Variants in TCTN1 observed in about 807,000 individuals in gnomAD.
TCTN1 encodes the protein tectonic-1.
A neutral mutation model predicts 65.8 loss-of-function variants in TCTN1; 58 were observed. The ratio of observed to expected loss-of-function variants is 0.88; its 90% confidence interval spans 0.71 to 1.10. The LOEUF (loss-of-function observed/expected upper bound fraction) is 1.10, where lower values mean the gene tolerates loss of function less well. Ranked by LOEUF, TCTN1 falls within the 50% of genes least tolerant of loss-of-function variation. The pLI, the probability that TCTN1 is intolerant of heterozygous loss-of-function variation, is 0.00. For missense variants in TCTN1, 645 were observed against 719.4 expected, an observed-to-expected ratio of 0.90 and a Z score of 1.18; for synonymous variants, 273 against 289.1, an observed-to-expected ratio of 0.94 and a Z score of 0.57.
intron 12 of TCTN1, chr12:110,646,843 T>C (rs1401443749): frequency 7.4e-6 from 2 of 269,434 alleles, no homozygotes; most frequent in Non-Finnish European, 1.4e-5. Flanking sequence ...CTCCCACCAG[T>C]TTCTTTCCTG....
intron 7 of TCTN1, 39 bp downstream of exon 7, chr12:110,636,540 T>C (rs1178034920): frequency 8.8e-7 from 1 of 1,133,628 alleles, no homozygotes; most frequent in Admixed American, 1.8e-5. Flanking sequence ...GAAAGTAGGA[T>C]AGTTTATAAT....
At chr12:110,630,596 G>A (rs1302082370) in intron 4 of TCTN1, among the ~76,000 whole-genome samples, 1 of 152,182 alleles carries the variant, frequency 6.6e-6, no homozygotes, top group African/African-American at 2.4e-5. Flanking sequence ...AGGCATATAA[G>A]TTGAAAGATC....
intron 2 of TCTN1, among the ~76,000 whole-genome samples, chr12:110,620,993 T>TG (rs2065389050): frequency 6.6e-6 from 1 of 152,014 alleles, no homozygotes; most frequent in Non-Finnish European, 1.5e-5. Context: ...TTAGTAGAGG[T>TG]GGGGTTTCAC....
At chr12:110,614,815 A>T (rs998349615) in intron 1 of TCTN1, among the ~76,000 whole-genome samples, 4 of 152,112 alleles carry the variant, frequency 2.6e-5, no homozygotes, top group African/African-American at 9.7e-5. Context: ...CTATGTTAAG[A>T]CCCTTCTCTG....
At chr12:110,632,613 G>A (rs1402162802) in intron 5 of TCTN1, 54 bp downstream of exon 5, 1 of 1,591,350 alleles carries the variant, frequency 6.3e-7, no homozygotes, top group East Asian at 2.2e-5. Flanking sequence ...TTATTAGGTT[G>A]GTGGAAAAGT....
chr12:110,632,377 G>C lies in TCTN1; in HGVS notation c.625-95G>C, dbSNP rs191374494. On this transcript the variant is annotated intron_variant, in intron 4 of 14. Transcript: ENST00000397659. ...TTTTGCTCATCAGTGTGTCTCTGAT[G>C]CCTGCAGTGCTGCTTGGCACATTGT... 67 of 1,257,482 alleles carry C rather than the reference G, an allele frequency of 5.3e-5. No homozygotes were observed. The East Asian group carries it at 1.4e-3, about 26-fold the overall frequency. 77.9% of individuals were successfully genotyped at this position (1,257,482 alleles called of 1,614,324 possible). A position where few individuals can be genotyped will look rare whatever the true frequency, so the allele number is the denominator to read the frequency against.
chr12:110,640,986 A>G lies in TCTN1; in HGVS notation c.979-38A>G, dbSNP rs2066912638. ...TTATTCATACAGCTTCTGAAATGTA[A>G]TGGAACAGGTATATTTGGAGTATCA... On this transcript the variant is annotated intron_variant, in intron 8 of 14. Transcript: ENST00000397659. This position sits in a 1 kb window ranked among gnomAD's most constrained non-coding sequence, Gnocchi z 4.9. 6.2e-7 allele frequency: 1 copy of G among 1,614,038 alleles called. No individual in the cohort carries two copies. The highest frequency in any genetic ancestry group is 1.3e-5 in the African/African-American group (1 of 75,044).
At chr12:110,626,854 C>A (rs1403040892) in intron 3 of TCTN1, among the ~76,000 whole-genome samples, 1 of 142,546 alleles carries the variant, frequency 7.0e-6, no homozygotes, top group Non-Finnish European at 1.5e-5. Context: ...CATCACAAAT[C>A]CTCTGCCTCT....
At chr12:110,630,543 G>A (rs2066165228) in intron 4 of TCTN1, among the ~76,000 whole-genome samples, 1 of 152,156 alleles carries the variant, frequency 6.6e-6, no homozygotes, top group Non-Finnish European at 1.5e-5. Context: ...TAAAAGCAAA[G>A]TATAAAAGCA....
At chr12:110,614,471 C>A in intron 1 of TCTN1, 69 bp downstream of exon 1, 5 of 1,550,386 alleles carry the variant, frequency 3.2e-6, no homozygotes, top group Non-Finnish European at 4.4e-6. Flanking sequence ...CCGGTGAGGA[C>A]GTAATAATGA....
chr12:110,643,335 A>T (rs2067085864), intron 11 of TCTN1: 1 of 152,184 alleles, frequency 6.6e-6, no homozygotes, highest in Non-Finnish European at 1.5e-5. Context: ...CCTGAATATG[A>T]TCTGTTTTTA....
rs2066862805 is a variant in TCTN1 at position 110,640,266 on chromosome 12, G to A, written c.844-117G>A. 1 of 1,196,132 alleles carries A rather than the reference G, an allele frequency of 8.4e-7. No individual in the cohort carries two copies. The highest frequency in any genetic ancestry group is 1.2e-6 in the Non-Finnish European group (1 of 814,334). 74.1% of individuals were successfully genotyped at this position (1,196,132 alleles called of 1,614,324 possible). On this transcript the variant is annotated intron_variant, in intron 7 of 14. Coordinates refer to ENST00000397659, the MANE Select transcript of TCTN1 (RefSeq NM_001082538.3). This position sits in a 1 kb window ranked among gnomAD's most constrained non-coding sequence, Gnocchi z 4.9. ...ATCATAGTATATACACTGTTGTGTA[G>A]CATGCTTCCCCCTACTTGGCCATAT...
intron 11 of TCTN1, chr12:110,643,478 C>G (rs2067095928): frequency 6.6e-6 from 1 of 152,120 alleles, no homozygotes; most frequent in Non-Finnish European, 1.5e-5. Flanking sequence ...TTTTCAAATT[C>G]TACCCCCAAA....
intron 3 of TCTN1, 119 bp downstream of exon 3, chr12:110,626,611 GCT>G (rs1219805277): frequency 9.1e-7 from 1 of 1,101,556 alleles, no homozygotes; most frequent in East Asian, 2.9e-5. Flanking sequence ...ACAGAGTCTT[GCT>G]CTGTCACCCA....
intron 1 of TCTN1, 144 bp from the exon 2 acceptor site, chr12:110,619,692 C>A (rs1331637225): frequency 8.4e-6 from 11 of 1,314,004 alleles, no homozygotes; most frequent in African/African-American, 1.5e-5. Flanking sequence ...CTCATTTCCA[C>A]TTCACAAATT....
At chr12:110,621,146 A>G (rs1234581164) in intron 2 of TCTN1, among the ~76,000 whole-genome samples, 1 of 152,210 alleles carries the variant, frequency 6.6e-6, no homozygotes, top group Non-Finnish European at 1.5e-5. Context: ...GAAGAGGCTC[A>G]TTAATTCAGG....
chr12:110,647,803 G>C lies in TCTN1; in HGVS notation c.1690G>C (p.Asp564His). The change falls in exon 14 of 15, where the codon GAT becomes CAT. Residue 564 changes from aspartate (D) to histidine (H), a missense_variant. Transcript: ENST00000397659. ...TATTTCCACTGCGGTTACTTTTGTGGATGTGTCTGCACCTGCAGAGGCAGG... is the reference window on the plus strand; with the variant it reads ...TATTTCCACTGCGGTTACTTTTGTGCATGTGTCTGCACCTGCAGAGGCAGG... ...ILISTAVTFV[D>H]VSAPAEAGFR... The C allele has an allele frequency of 1.2e-6, 2 of 1,614,198 alleles. No individual in the cohort carries two copies. The highest frequency in any genetic ancestry group is 1.7e-6 in the Non-Finnish European group (2 of 1,180,042).
At position 110,639,625 on chromosome 12, in the gene TCTN1, A is replaced by C. The variant is rs915468496; in HGVS notation, c.844-758A>C. 6.6e-6 allele frequency among the ~76,000 whole-genome samples: 1 copy of C among 151,894 alleles called. No individual in the cohort carries two copies. Among genetic ancestry groups the C allele is most frequent in the African/African-American group, 2.4e-5 (1 of 41,342 alleles). ...TAGGAGTTGTGTTTTGGAGGTGAGG[A>C]TATATATGTGTGCTTGACAGTGTGA... On this transcript the variant is annotated intron_variant, in intron 7 of 14. Coordinates refer to ENST00000397659, the MANE Select transcript of TCTN1 (RefSeq NM_001082538.3). The surrounding 1 kb of genome is among the most constrained non-coding windows in gnomAD (Gnocchi z 4.9).
chr12:110,627,445 A>G (rs1593274525), intron 3 of TCTN1, among the ~76,000 whole-genome samples: 1 of 152,166 alleles, frequency 6.6e-6, no homozygotes, highest in Admixed American at 6.5e-5. Context: ...TGTATAGTGT[A>G]TATCTTTAGA....
Sources: gnomAD v4.1 joint callset for allele counts (sites outside exome capture counted in the v4.1 genomes callset) on GRCh38, gnomAD v4.1.1 for gene constraint, Gnocchi (gnomAD v3.1) non-coding constraint, MANE v1.5 for transcripts, NCBI Gene and HGNC (gene_info 2026-07-23, HGNC 2026-07-21) for gene names.